Variants in DNAH11 observed in about 807,000 individuals in gnomAD.
DNAH11 encodes the protein dynein axonemal heavy chain 11.
A neutral mutation model predicts 526.0 loss-of-function variants in DNAH11; 442 were observed. The ratio of observed to expected loss-of-function variants is 0.84; its 90% CI spans 0.78 to 0.91. The LOEUF (loss-of-function observed/expected upper bound fraction) is 0.91, where lower values mean the gene tolerates loss of function less well. Ranked by LOEUF, DNAH11 falls within the 40% of genes least tolerant of loss-of-function variation. The pLI is 0.00. For missense variants in DNAH11, 6,989 were observed against 5,448.7 expected (o/e 1.28, Z -8.90); for synonymous variants, 2,461 against 1,935.9 (o/e 1.27, Z -7.12).
At chr7:21,856,981 G>A (rs892924098) in intron 68 of DNAH11, among the ~76,000 whole-genome samples, 1 of 152,116 alleles carries the variant, frequency 6.6e-6, no homozygotes, top group Non-Finnish European at 1.5e-5. Context: ...GTTATAGTCG[G>A]TACAGTAAGA....
At chr7:21,806,636 A>G (rs938070377) in intron 62 of DNAH11, among the ~76,000 whole-genome samples, 6 of 152,176 alleles carry the variant, frequency 3.9e-5, no homozygotes, top group African/African-American at 1.4e-4. Flanking sequence ...GGGGAAAGCA[A>G]AATTCCATAG....
chr7:21,863,940 T>G lies in DNAH11; in HGVS notation c.11374-595T>G, dbSNP rs936366757. Among the ~76,000 whole-genome samples the G allele has an allele frequency of 3.3e-5, 5 of 152,218 alleles. No homozygotes were observed. In the East Asian group the frequency reaches 9.6e-4, roughly 29 times the overall value. On this transcript the variant is annotated intron_variant, in intron 69 of 81. Transcript: ENST00000409508. ...TGTGTTATGGTTTTTATGTGGAAATTAGGAATACTTCATTTGTACTCTCCA... is the reference window on the plus strand; with the variant it reads ...TGTGTTATGGTTTTTATGTGGAAATGAGGAATACTTCATTTGTACTCTCCA...
At position 21,591,038 on chromosome 7, in the gene DNAH11, TAAAAA is replaced by T; in HGVS notation, c.2274+20_2274+24del. The T allele has an allele frequency of 2.7e-6, 4 of 1,460,828 alleles. No homozygotes were observed. Among genetic ancestry groups the T allele is most frequent in the Non-Finnish European group, 3.6e-6 (4 of 1,107,256 alleles). 90.5% of individuals were successfully genotyped at this position (1,460,828 alleles called of 1,614,324 possible). A position where few individuals can be genotyped will look rare whatever the true frequency, so the allele number is the denominator to read the frequency against. ...TATTTTAAAGGTTTGTGATTTTTGT[TAAAAA>T]AAAGATACTAGGGCCTATTATGAAT... On this transcript the variant is annotated intron_variant, in intron 13 of 81. Transcript: ENST00000409508.
chr7:21,852,658 G>T (rs13232043), intron 67 of DNAH11, 27 bp downstream of exon 67: 1 of 1,550,578 alleles, frequency 6.4e-7, no homozygotes, highest in Non-Finnish European at 8.7e-7. Context: ...GTGCCTGGCA[G>T]ATTCTAATGC....
At chr7:21,704,127 G>A (rs1784167434) in intron 37 of DNAH11, among the ~76,000 whole-genome samples, 1 of 152,226 alleles carries the variant, frequency 6.6e-6, no homozygotes, top group African/African-American at 2.4e-5. Flanking sequence ...TCTGGAGTTT[G>A]AGGATTCAAG....
chr7:21,751,382 A>G (rs1786406728), intron 54 of DNAH11, among the ~76,000 whole-genome samples: 1 of 152,154 alleles, frequency 6.6e-6, no homozygotes, highest in African/African-American at 2.4e-5. Context: ...GTTCTTCCTC[A>G]TTGGCTGCTC....
rs756934190 is a variant in DNAH11, at chr7:21,702,779, G to C, written c.6250G>C (p.Asp2084His). 6 of 1,613,192 alleles carry C rather than the reference G, an allele frequency of 3.7e-6. No individual in the cohort carries two copies. The highest frequency in any genetic ancestry group is 5.1e-6 in the Non-Finnish European group (6 of 1,179,596). ...TGTGGCTGGATCTCTGAAACGAGGAGATAAAAATAGACCCGAAGATCAGGT... is the reference window on the plus strand; with the variant it reads ...TGTGGCTGGATCTCTGAAACGAGGACATAAAAATAGACCCGAAGATCAGGT... ...LVVAGSLKRG[D>H]KNRPEDQVLM... is the part of the protein sequence containing the mutation. The change falls in exon 37 of 82, where the codon GAT becomes CAT. Residue 2084 changes from aspartate (D) to histidine (H), a missense_variant. Transcript: ENST00000409508.
At position 21,875,877 on chromosome 7, in the gene DNAH11, CTTTTTTT is replaced by C. The variant is rs35349937; in HGVS notation, c.12195+2394_12195+2400del. On this transcript the variant is annotated intron_variant, in intron 74 of 81. Coordinates refer to ENST00000409508, the MANE Select transcript of DNAH11 (RefSeq NM_001277115.2). ...TTAGGAACTTCAAGGAAGAATATTT[CTTTTTTT>C]TTTTTTTTTTTTTTTTTGAGACAGA... Among the ~76,000 whole-genome samples, 6 of 78,938 alleles carry C rather than the reference CTTTTTTT, an allele frequency of 7.6e-5. No individual in the cohort carries two copies. In the South Asian group the frequency reaches 2.0e-3, roughly 26 times the overall value. The allele number at this position is 78,938 out of a possible 152,430, so 51.8% of individuals were successfully genotyped here. A position where few individuals can be genotyped will look rare whatever the true frequency, so the allele number is the denominator to read the frequency against.
At chr7:21,671,180 G>T (rs1782628135) in intron 30 of DNAH11, among the ~76,000 whole-genome samples, 1 of 151,650 alleles carries the variant, frequency 6.6e-6, no homozygotes, top group Non-Finnish European at 1.5e-5. Context: ...TAGTTTTTTG[G>T]GCTCTTCCTT....
intron 7 of DNAH11, among the ~76,000 whole-genome samples, chr7:21,571,170 G>A (rs1287229854): frequency 6.6e-6 from 1 of 152,138 alleles, no homozygotes; most frequent in Non-Finnish European, 1.5e-5. Context: ...ATGAAAACAG[G>A]AGTTTTGGAT....
chr7:21,842,864 T>A (rs184922572), intron 66 of DNAH11, 116 bp downstream of exon 66: 2 of 889,044 alleles, frequency 2.2e-6, no homozygotes, highest in Non-Finnish European at 3.3e-6. Context: ...TGCAACCTAA[T>A]TGGGAAAAAT....
At chr7:21,792,698 T>A (rs1171966597) in intron 61 of DNAH11, among the ~76,000 whole-genome samples, 1 of 152,162 alleles carries the variant, frequency 6.6e-6, no homozygotes, top group Non-Finnish European at 1.5e-5. Flanking sequence ...TTCATAGTAG[T>A]TTCTAATGAT....
At position 21,807,948 on chromosome 7, in the gene DNAH11, G is replaced by A. The variant is rs1258289727; in HGVS notation, c.10231G>A (p.Val3411Ile). The A allele has an allele frequency of 6.2e-7, 1 of 1,609,632 alleles. No individual in the cohort carries two copies. Among genetic ancestry groups the A allele is most frequent in the Non-Finnish European group, 8.5e-7 (1 of 1,177,078 alleles). The change falls in exon 63 of 82, where the codon GTT becomes ATT. Residue 3411 changes from valine to isoleucine, a missense_variant. Val to Ile is a conservative substitution (Grantham distance 29, BLOSUM62 3). Transcript: ENST00000409508. ...EAQEKTLCGD[V>I]LLTAAFVSYV... ...TCAAGAGAAGACACTCTGTGGAGAT[G>A]TTCTTCTCACGGCGGCATTTGTGTC... is the stretch of plus-strand genomic sequence containing the variant.
chr7:21,880,440 A>C (rs1006110291), intron 74 of DNAH11, among the ~76,000 whole-genome samples: 8 of 152,264 alleles, frequency 5.3e-5, no homozygotes, highest in Non-Finnish European at 1.0e-4. Flanking sequence ...CATGGTTAAA[A>C]TGAACTGTCT....
intron 35 of DNAH11, among the ~76,000 whole-genome samples, chr7:21,691,295 G>A (rs1246716616): frequency 6.6e-6 from 1 of 151,302 alleles, no homozygotes; most frequent in East Asian, 1.9e-4. Context: ...CCTGACCTTG[G>A]CCAGTATTTG....
intron 43 of DNAH11, 110 bp downstream of exon 43, chr7:21,718,035 A>G: frequency 7.0e-7 from 1 of 1,436,244 alleles, no homozygotes; most frequent in Non-Finnish European, 9.3e-7. Context: ...GATTTCTGGA[A>G]TTGTTAGATT....
intron 55 of DNAH11, among the ~76,000 whole-genome samples, chr7:21,767,728 G>T (rs1249128715): frequency 1.3e-5 from 2 of 152,186 alleles, no homozygotes; most frequent in Non-Finnish European, 2.9e-5. Flanking sequence ...AGAGTACAAT[G>T]TGTCCATGGT....
At chr7:21,593,492 T>C (rs978426979) in intron 14 of DNAH11, among the ~76,000 whole-genome samples, 5 of 152,242 alleles carry the variant, frequency 3.3e-5, no homozygotes, top group Admixed American at 2.6e-4. Context: ...TTAATAGTGG[T>C]TGATGTTTCA....
chr7:21,638,517 G>C (rs1786970279), intron 27 of DNAH11, among the ~76,000 whole-genome samples: 1 of 152,110 alleles, frequency 6.6e-6, no homozygotes, highest in Non-Finnish European at 1.5e-5. Context: ...GTGTTTTGTA[G>C]ACATCCAGTG....
Sources: allele counts gnomAD v4.1 joint callset (sites outside exome capture counted in the v4.1 genomes callset), GRCh38; gene constraint gnomAD v4.1.1; transcripts MANE v1.5; gene names NCBI Gene and HGNC (gene_info 2026-07-23, HGNC 2026-07-21).